The following ZNF564 variants were observed in gnomAD, a reference collection of about 807,000 sequenced individuals.
ZNF564 encodes zinc finger protein 564.
A neutral mutation model predicts 10.5 loss-of-function variants in ZNF564; 5 were observed. The ratio of observed to expected loss-of-function variants is 0.48; its 90% CI spans 0.25 to 1.00. ZNF564 has a LOEUF of 1.00. ZNF564 is among the 50% of genes least tolerant of loss of function. The pLI is 0.16. For synonymous variants in ZNF564, 242 were observed against 218.1 expected (o/e 1.11, Z -0.97); for missense variants, 603 against 669.7 (o/e 0.90, Z 1.10).
chr19:12,543,082 C>T (rs2022087877), intron 1 of ZNF564, among the ~76,000 whole-genome samples: 1 of 151,082 alleles, frequency 6.6e-6, no homozygotes, highest in East Asian at 2.0e-4. Context: ...GGGCAGATCA[C>T]CCAAGGTCAG....
chr19:12,528,979 C>T (rs1328392364), intron 1 of ZNF564, among the ~76,000 whole-genome samples: 2 of 152,114 alleles, frequency 1.3e-5, no homozygotes, highest in African/African-American at 2.4e-5. Flanking sequence ...GCAGGGGAAT[C>T]GCTTAAACAA....
chr19:12,544,904 C>T (rs757436810), intron 1 of ZNF564, among the ~76,000 whole-genome samples: 16 of 152,272 alleles, frequency 1.1e-4, no homozygotes, highest in Middle Eastern at 3.4e-3. Flanking sequence ...AGGAAACCCA[C>T]ATTCAGAAGG....
At chr19:12,528,421 T>C in intron 2 of ZNF564, 57 bp from the exon 3 acceptor site, 1 of 1,577,608 alleles carries the variant, frequency 6.3e-7, no homozygotes, top group Non-Finnish European at 8.6e-7. Context: ...GAAAAATGAC[T>C]AGATTCTAAG....
intron 1 of ZNF564, among the ~76,000 whole-genome samples, chr19:12,530,635 T>A (rs1308716880): frequency 1.3e-5 from 2 of 152,216 alleles, no homozygotes; most frequent in Non-Finnish European, 2.9e-5. Flanking sequence ...CACGAAGGGA[T>A]CAGCAGTGCT....
chr19:12,540,876 G>A (rs138205849), intron 1 of ZNF564, among the ~76,000 whole-genome samples: 1,945 of 151,194 alleles, frequency 0.013, 46 homozygotes, highest in African/African-American at 0.045. Context: ...GCCAGGTCTG[G>A]TGGCAGGCAC....
chr19:12,535,235 T>C (rs1012037061), intron 1 of ZNF564, among the ~76,000 whole-genome samples: 6 of 151,958 alleles, frequency 3.9e-5, no homozygotes, highest in Admixed American at 3.9e-4. Flanking sequence ...CAGCCGGGCA[T>C]GGTGGCGGAC....
intron 1 of ZNF564, among the ~76,000 whole-genome samples, chr19:12,536,585 G>A (rs1256023879): frequency 2.0e-5 from 3 of 152,130 alleles, no homozygotes. Context: ...TGTATATTCC[G>A]AGAAGTTAGG....
At chr19:12,551,274 G>GCCGGTTCCCACAAGCCCCTCCC in intron 1 of ZNF564, 56 bp downstream of exon 1, 1 of 1,579,832 alleles carries the variant, frequency 6.3e-7, no homozygotes, top group South Asian at 1.1e-5. Flanking sequence ...GCCGGTTCCG[G>GCCGGTTCCCACAAGCCCCTCCC]CCGGTTCCCA....
chr19:12,535,046 A>AAAC (rs2021882514), intron 1 of ZNF564, among the ~76,000 whole-genome samples: 1 of 152,118 alleles, frequency 6.6e-6, no homozygotes, highest in African/African-American at 2.4e-5. Flanking sequence ...AAAAGAAGAT[A>AAAC]TCAAGCCATG....
chr19:12,543,278 G>C (rs2022091728), intron 1 of ZNF564, among the ~76,000 whole-genome samples: 2 of 148,132 alleles, frequency 1.4e-5, no homozygotes, highest in Non-Finnish European at 3.0e-5. Context: ...CTCCAGCCTA[G>C]GTGACTGAGT....
At chr19:12,547,645 C>G (rs546427871) in intron 1 of ZNF564, among the ~76,000 whole-genome samples, 159 of 152,122 alleles carry the variant, frequency 1.0e-3, no homozygotes, top group African/African-American at 3.8e-3. Context: ...TATAAAGGAC[C>G]CCTCCCCTGG....
chr19:12,537,459 C>G (rs1462571096), intron 1 of ZNF564, among the ~76,000 whole-genome samples: 1 of 152,102 alleles, frequency 6.6e-6, no homozygotes, highest in Non-Finnish European at 1.5e-5. Context: ...GTTTTCTAAG[C>G]CGGGCGTGGT....
At chr19:12,543,178 T>C (rs894656126) in intron 1 of ZNF564, among the ~76,000 whole-genome samples, 2 of 151,634 alleles carry the variant, frequency 1.3e-5, no homozygotes, top group Non-Finnish European at 2.9e-5. Flanking sequence ...GGGGTGCACC[T>C]GTAATCCCAG....
intron 1 of ZNF564, among the ~76,000 whole-genome samples, chr19:12,537,792 T>G (rs2021949634): frequency 6.6e-6 from 1 of 152,044 alleles, no homozygotes; most frequent in African/African-American, 2.4e-5. Context: ...AATTTCCATT[T>G]TGGGTTGTTC....
chr19:12,543,639 A>T (rs1490748019), intron 1 of ZNF564, among the ~76,000 whole-genome samples: 1 of 138,778 alleles, frequency 7.2e-6, no homozygotes, highest in African/African-American at 2.7e-5. Flanking sequence ...ACGTCACTGC[A>T]CTCCAGACGG....
At chr19:12,547,186 C>T (rs956137263) in intron 1 of ZNF564, among the ~76,000 whole-genome samples, 81 of 152,180 alleles carry the variant, frequency 5.3e-4, no homozygotes, top group African/African-American at 1.8e-3. Flanking sequence ...CCTCCCACCT[C>T]AGCCTCGGCT....
chr19:12,550,619 G>A, intron 1 of ZNF564: 1 of 166,358 alleles, frequency 6.0e-6, no homozygotes, highest in Admixed American at 6.4e-5. Context: ...TCTTCCCACT[G>A]CACTCCAGCC....
At chr19:12,538,787 C>T (rs903042613) in intron 1 of ZNF564, among the ~76,000 whole-genome samples, 6 of 151,162 alleles carry the variant, frequency 4.0e-5, no homozygotes, top group African/African-American at 1.5e-4. Context: ...CCAGTCTGGG[C>T]GACAGAGCAA....
At chr19:12,549,022 G>A (rs184590963) in intron 1 of ZNF564, among the ~76,000 whole-genome samples, 1 of 151,904 alleles carries the variant, frequency 6.6e-6, no homozygotes, top group African/African-American at 2.4e-5. Flanking sequence ...GGATTGATCT[G>A]AAATCACCCA....
Sources: allele counts gnomAD v4.1 joint callset (sites outside exome capture counted in the v4.1 genomes callset), GRCh38; gene constraint gnomAD v4.1.1; transcripts MANE v1.5; gene names NCBI Gene and HGNC (gene_info 2026-07-23, HGNC 2026-07-21).